The following EDIL3 variants were observed in gnomAD, a reference collection of about 807,000 sequenced individuals.
EDIL3 encodes EGF like and discoidin domains 3, also known as EGF-like repeat and discoidin I-like domain-containing protein 3.
A neutral mutation model predicts 67.4 loss-of-function variants in EDIL3; 37 were observed. That is an observed-to-expected ratio of 0.55 (90% confidence interval 0.42 to 0.72). The LOEUF is 0.72. EDIL3 is among the 30% of genes least tolerant of loss of function. The probability of loss-of-function intolerance (pLI) is 0.00; values close to 1 mark genes in which losing one functional copy is unlikely to be tolerated. For synonymous variants in EDIL3, 195 were observed against 196.3 expected (o/e 0.99, Z 0.05); for missense variants, 527 against 586.3 (o/e 0.90, Z 1.04).
chr5:84,168,148 T>C (rs1748742596), intron 4 of EDIL3, among the ~76,000 whole-genome samples: 2 of 152,168 alleles, frequency 1.3e-5, no homozygotes, highest in Admixed American at 1.3e-4. Context: ...AGGCTGACAT[T>C]AGTAAATATC....
rs550419249 is a variant in EDIL3, at chr5:84,318,802, C to T, written c.68-64590G>A. ...CAACAGCAACAAATGCCAAAATAGACAAATGGGATCTAATTAAACTAAAGA... is the reference window on the plus strand; with the variant it reads ...CAACAGCAACAAATGCCAAAATAGATAAATGGGATCTAATTAAACTAAAGA... On this transcript the variant is annotated intron_variant, in intron 1 of 10. Transcript: ENST00000296591. 3.3e-5 allele frequency among the ~76,000 whole-genome samples: 5 copies of T among 152,230 alleles called. No homozygotes were observed. In the East Asian group the frequency reaches 9.7e-4, roughly 29 times the overall value.
rs34059015 is a variant in EDIL3 at position 83,947,369 on chromosome 5, CTGTGTG to C, written c.1294-3807_1294-3802del. 2.5e-3 allele frequency among the ~76,000 whole-genome samples: 328 copies of C among 129,522 alleles called. 2 individuals are homozygous for C. Among genetic ancestry groups the C allele is most frequent in the East Asian group, 9.5e-3 (43 of 4,504 alleles). 85.0% of individuals were successfully genotyped at this position (129,522 alleles called of 152,430 possible). ...AGCATGTATGTGTCTGTGTCTGTGT[CTGTGTG>C]TGTGTGTGTGTGTGTGTGTGTGTGT... On this transcript the variant is annotated intron_variant, in intron 10 of 10. Transcript: ENST00000296591.
intron 2 of EDIL3, among the ~76,000 whole-genome samples, chr5:84,247,710 T>A (rs1281270068): frequency 6.6e-6 from 1 of 152,000 alleles, no homozygotes; most frequent in African/African-American, 2.4e-5. Flanking sequence ...TAAAAGAGGA[T>A]AAGAGAAGAT....
intron 1 of EDIL3, among the ~76,000 whole-genome samples, chr5:84,340,650 T>C (rs1747092006): frequency 6.6e-6 from 1 of 150,550 alleles, no homozygotes; most frequent in Non-Finnish European, 1.5e-5. Flanking sequence ...TCTCTAGTTT[T>C]TAGATTCCAC....
chr5:83,976,817 C>A (rs1280674628), intron 9 of EDIL3, among the ~76,000 whole-genome samples: 1 of 151,564 alleles, frequency 6.6e-6, no homozygotes, highest in Non-Finnish European at 1.5e-5. Context: ...AATATTTAGT[C>A]TTGTCATAAA....
chr5:84,017,578 C>T (rs1435273929), intron 9 of EDIL3, among the ~76,000 whole-genome samples: 1 of 152,036 alleles, frequency 6.6e-6, no homozygotes, highest in Admixed American at 6.6e-5. Flanking sequence ...CACCAGTGCA[C>T]ATTATCAGTT....
At chr5:84,120,203 G>A (rs1195884555) in intron 5 of EDIL3, among the ~76,000 whole-genome samples, 1 of 151,992 alleles carries the variant, frequency 6.6e-6, no homozygotes, top group Non-Finnish European at 1.5e-5. Context: ...AAAAATTTCA[G>A]GTGGTACAAT....
intron 9 of EDIL3, among the ~76,000 whole-genome samples, chr5:83,964,801 A>T (rs1161214588): frequency 6.6e-6 from 1 of 152,014 alleles, no homozygotes; most frequent in African/African-American, 2.4e-5. Context: ...CAAAAATCAA[A>T]TTTTTTGGCT....
At chr5:84,075,890 G>GCACACA (rs10530772) in intron 6 of EDIL3, among the ~76,000 whole-genome samples, 30,486 of 144,752 alleles carry the variant, frequency 0.21, 3,256 homozygotes, top group Non-Finnish European at 0.24. Context: ...AAGTGTGCAC[G>GCACACA]CACACACACA....
chr5:84,201,580 C>A (rs1413834366), intron 3 of EDIL3, among the ~76,000 whole-genome samples: 2 of 152,068 alleles, frequency 1.3e-5, no homozygotes, highest in African/African-American at 2.4e-5. Flanking sequence ...TTGTCTTACC[C>A]AGTATTAGTA....
At chr5:84,185,289 A>G (rs1474089878) in intron 3 of EDIL3, among the ~76,000 whole-genome samples, 1 of 152,172 alleles carries the variant, frequency 6.6e-6, no homozygotes, top group African/African-American at 2.4e-5. Flanking sequence ...TCCTATAAAT[A>G]ATACAGGACT....
rs1198928074 is a variant in EDIL3 at position 84,106,662 on chromosome 5, C to T, written c.638G>A (p.Trp213Ter). 3.7e-6 allele frequency: 6 copies of T among 1,604,322 alleles called. No homozygotes were observed. The highest frequency in any genetic ancestry group is 5.1e-6 in the Non-Finnish European group (6 of 1,176,492). Residue 213 changes from tryptophan (W) to a stop codon, truncating the protein, a stop_gained, in exon 6 of 11, where the codon TGG becomes TAG. Coordinates refer to ENST00000296591, the MANE Select transcript of EDIL3 (RefSeq NM_005711.5). LOFTEE classifies it high-confidence loss of function. Reference sequence around the variant, plus strand: ...CCCATCTGTTACCTGAATCCACGGCCATCTGTCATTTTCTGCAGCTGTCCA... The same window carrying T: ...CCCATCTGTTACCTGAATCCACGGCTATCTGTCATTTTCTGCAGCTGTCCA... ...NAWTAAENDRWPWIQINLQRK... is the reference protein window; with the variant it reads ...NAWTAAENDR
chr5:84,288,938 C>T (rs555839434), intron 1 of EDIL3, among the ~76,000 whole-genome samples: 1 of 152,034 alleles, frequency 6.6e-6, no homozygotes, highest in African/African-American at 2.4e-5. Flanking sequence ...CTCGAGAATA[C>T]TTGTTGAATT....
intron 6 of EDIL3, among the ~76,000 whole-genome samples, chr5:84,102,753 C>T (rs944147389): frequency 6.6e-6 from 1 of 152,044 alleles, no homozygotes; most frequent in African/African-American, 2.4e-5. Context: ...AAAACCATTC[C>T]ATGCTTGTGG....
chr5:84,081,446 T>C (rs1384468342), intron 6 of EDIL3, among the ~76,000 whole-genome samples: 1 of 152,156 alleles, frequency 6.6e-6, no homozygotes, highest in Non-Finnish European at 1.5e-5. Context: ...TGTCAGCACA[T>C]GAGTAGAAAT....
intron 2 of EDIL3, among the ~76,000 whole-genome samples, chr5:84,250,061 G>T (rs77443773): frequency 6.6e-6 from 1 of 152,186 alleles, no homozygotes; most frequent in Non-Finnish European, 1.5e-5. Flanking sequence ...AGCAATTTGC[G>T]GCTTAGCCAC....
chr5:84,055,884 T>C (rs1033132413), intron 9 of EDIL3, among the ~76,000 whole-genome samples: 1 of 152,170 alleles, frequency 6.6e-6, no homozygotes. Flanking sequence ...AGTTCAACCA[T>C]TGTGGAAGTC....
At chr5:84,183,023 C>CA (rs1333185806) in intron 3 of EDIL3, among the ~76,000 whole-genome samples, 3 of 152,136 alleles carry the variant, frequency 2.0e-5, no homozygotes, top group Non-Finnish European at 1.5e-5. Context: ...AAATGAAAAT[C>CA]ATGCTGCAGA....
At chr5:84,162,764 C>T (rs1047392887) in intron 4 of EDIL3, among the ~76,000 whole-genome samples, 10 of 152,072 alleles carry the variant, frequency 6.6e-5, no homozygotes, top group African/African-American at 2.4e-4. Flanking sequence ...TCTTTCCCTG[C>T]CATATTCTAG....
Sources: allele counts gnomAD v4.1 joint callset (sites outside exome capture counted in the v4.1 genomes callset), GRCh38; gene constraint gnomAD v4.1.1; transcripts MANE v1.5; gene names NCBI Gene and HGNC (gene_info 2026-07-23, HGNC 2026-07-21).